Variants in USP18 observed in about 807,000 individuals in gnomAD.
The protein encoded by USP18 is ubiquitin specific peptidase 18.
Under a neutral mutation model 48.7 loss-of-function variants are expected in USP18, and 11 were observed. The ratio of observed to expected loss-of-function variants is 0.23; its 90% CI spans 0.14 to 0.37. The LOEUF (loss-of-function observed/expected upper bound fraction) is 0.37, where lower values mean the gene tolerates loss of function less well. Ranked by LOEUF, USP18 falls within the 10% of genes least tolerant of loss-of-function variation. The pLI, the probability that USP18 is intolerant of heterozygous loss-of-function variation, is 1.00. For synonymous variants in USP18, 114 were observed against 163.2 expected, an observed-to-expected ratio of 0.70 and a Z score of 2.30; for missense variants, 285 against 436.4, an observed-to-expected ratio of 0.65 and a Z score of 3.09.
At chr22:18,164,075 CCTA>C (rs1236723113) in intron 4 of USP18, among the ~76,000 whole-genome samples, 1 of 152,264 alleles carries the variant, frequency 6.6e-6, no homozygotes, top group African/African-American at 2.4e-5. Flanking sequence ...CCCCCAGGGG[CCTA>C]GCGAATGCTG....
At chr22:18,153,491 C>T (rs184683406) in intron 1 of USP18, among the ~76,000 whole-genome samples, 40 of 152,128 alleles carry the variant, frequency 2.6e-4, no homozygotes, top group Middle Eastern at 6.8e-3. Context: ...GTGGCACGAT[C>T]ATAACTCACT....
intron 8 of USP18, among the ~76,000 whole-genome samples, chr22:18,172,017 T>C (rs550528136): frequency 6.6e-6 from 1 of 152,160 alleles, no homozygotes; most frequent in Non-Finnish European, 1.5e-5. Context: ...ACGCCTGTAA[T>C]CTCAGCTCTT....
At chr22:18,159,967 G>A (rs572993500) in intron 2 of USP18, among the ~76,000 whole-genome samples, 5 of 151,386 alleles carry the variant, frequency 3.3e-5, no homozygotes, top group South Asian at 4.2e-4. Context: ...GTGAGCCACC[G>A]CACCCGGCTG....
chr22:18,172,371 CA>C (rs1454065310), intron 8 of USP18, among the ~76,000 whole-genome samples: 7 of 152,186 alleles, frequency 4.6e-5, no homozygotes, highest in Non-Finnish European at 8.8e-5. Context: ...CTCCATCTTG[CA>C]ATTCCTTAAT....
In USP18 at chr22:18,170,843, TC is replaced by T. The variant is rs1457329936; in HGVS notation, c.817del (p.Leu273CysfsTer15). On this transcript the variant is annotated frameshift_variant, in exon 8 of 11. Transcript: ENST00000215794. LOFTEE classifies it high-confidence loss of function. ...TTCACAGACGAGAAAGATCTGCCAC[TC>T]CCTGTACTTCCCCCAGAGCTTGGAT... is the stretch of plus-strand genomic sequence containing the variant. ...RNSQTRKICH[S>X]LYFPQSLDFS... is the part of the protein sequence containing the mutation. 6.4e-7 allele frequency: 1 copy of T among 1,560,312 alleles called. No individual in the cohort carries two copies. Among genetic ancestry groups the T allele is most frequent in the Non-Finnish European group, 8.6e-7 (1 of 1,156,568 alleles).
At chr22:18,173,033 G>A (rs1302386426) in intron 8 of USP18, 117 bp from the exon 9 acceptor site, 3 of 1,552,282 alleles carry the variant, frequency 1.9e-6, no homozygotes, top group Non-Finnish European at 2.6e-6. Flanking sequence ...TGTGGGTCGG[G>A]ACTGTTTTCT....
In USP18 at chr22:18,150,193, C is replaced by G. The variant is rs1363393002; in HGVS notation, c.-136C>G. 1 of 152,234 alleles carries G rather than the reference C, an allele frequency of 6.6e-6. No individual in the cohort carries two copies. The highest frequency in any genetic ancestry group is 2.4e-5 in the African/African-American group (1 of 41,470). 9.4% of individuals were successfully genotyped at this position (152,234 alleles called of 1,614,324 possible). A position where few individuals can be genotyped will look rare whatever the true frequency, so the allele number is the denominator to read the frequency against. On this transcript the variant is annotated 5_prime_UTR_variant, in exon 1 of 11. Transcript: ENST00000215794. ...TCAGTCCCGACGTGGAACTCAGCAG[C>G]GGAGGCTGGACGCTTGCATGGCGCT...
At chr22:18,163,568 G>A (rs1168856792) in intron 4 of USP18, among the ~76,000 whole-genome samples, 5 of 151,862 alleles carry the variant, frequency 3.3e-5, no homozygotes, top group African/African-American at 9.7e-5. Context: ...GCGTGAACCC[G>A]GGAGGCGGAG....
Position 18,167,882 on chromosome 22 carries a change from T to G in USP18, c.481-8T>G. The stretch of plus-strand genomic sequence containing the variant: ...TCCCATCTCACCTCTCCGCTCTCCC[T>G]CTTGCAGGTGGAGAGACTGCAGGCC... On this transcript the variant is annotated splice_polypyrimidine_tract_variant and splice_region_variant and intron_variant, in intron 5 of 10. Coordinates refer to ENST00000215794, the MANE Select transcript of USP18 (RefSeq NM_017414.4). The G allele has an allele frequency of 6.2e-7, 1 of 1,612,222 alleles. No homozygotes were observed. The highest frequency in any genetic ancestry group is 2.2e-5 in the East Asian group (1 of 44,802).
At chr22:18,164,697 G>C (rs986496659) in intron 4 of USP18, among the ~76,000 whole-genome samples, 23 of 152,310 alleles carry the variant, frequency 1.5e-4, no homozygotes, top group African/African-American at 5.3e-4. Flanking sequence ...TCTGTGCTGA[G>C]CACAGCTGCT....
At chr22:18,154,817 CTT>C (rs1293157211) in intron 1 of USP18, among the ~76,000 whole-genome samples, 2 of 152,176 alleles carry the variant, frequency 1.3e-5, no homozygotes, top group African/African-American at 4.8e-5. Context: ...TCTGATTGAC[CTT>C]GATCCTTATG....
At chr22:18,159,650 A>G (rs1174939937) in intron 2 of USP18, among the ~76,000 whole-genome samples, 2 of 143,504 alleles carry the variant, frequency 1.4e-5, no homozygotes, top group African/African-American at 5.3e-5. Flanking sequence ...GGCACCTGTC[A>G]TGACACCTGG....
chr22:18,167,593 G>A (rs925202508), intron 5 of USP18, among the ~76,000 whole-genome samples: 1 of 151,590 alleles, frequency 6.6e-6, no homozygotes, highest in African/African-American at 2.4e-5. Context: ...AGCTACTCGG[G>A]AGGCTGAGGC....
chr22:18,166,699 C>T (rs1262418522), intron 4 of USP18, among the ~76,000 whole-genome samples: 1 of 151,990 alleles, frequency 6.6e-6, no homozygotes, highest in African/African-American at 2.4e-5. Flanking sequence ...CCTCTCAGGT[C>T]TTACTTGGGC....
In USP18 at chr22:18,150,219, T is replaced by A. The variant is rs1196253363; in HGVS notation, c.-110T>A. 6.6e-6 allele frequency: 1 copy of A among 152,262 alleles called. No individual in the cohort carries two copies. Among genetic ancestry groups the A allele is most frequent in the East Asian group, 1.9e-4 (1 of 5,190 alleles). 9.4% of individuals were successfully genotyped at this position (152,262 alleles called of 1,614,324 possible). A position where few individuals can be genotyped will look rare whatever the true frequency, so the allele number is the denominator to read the frequency against. ...GGAGGCTGGACGCTTGCATGGCGCT[T>A]GAGGCAAGTTCGGGGCTCATTTTGG... On this transcript the variant is annotated 5_prime_UTR_variant, in exon 1 of 11. Coordinates refer to ENST00000215794, the MANE Select transcript of USP18 (RefSeq NM_017414.4).
intron 3 of USP18, among the ~76,000 whole-genome samples, 163 bp downstream of exon 3, chr22:18,160,431 G>A (rs1008244270): frequency 8.6e-5 from 13 of 151,592 alleles, no homozygotes; most frequent in African/African-American, 2.7e-4. Context: ...TCAGTCTCCC[G>A]AGTAGCTGGG....
intron 2 of USP18, among the ~76,000 whole-genome samples, chr22:18,158,025 C>T (rs948275559): frequency 6.6e-6 from 1 of 152,124 alleles, no homozygotes; most frequent in African/African-American, 2.4e-5. Context: ...CGCGGTGGCT[C>T]ATGCCTGTAA....
At chr22:18,162,857 T>C (rs570712568) in intron 4 of USP18, among the ~76,000 whole-genome samples, 19 of 151,952 alleles carry the variant, frequency 1.3e-4, no homozygotes, top group Non-Finnish European at 2.1e-4. Flanking sequence ...TGTTATTTCT[T>C]TGGATAAGCT....
chr22:18,165,668 A>G (rs1302939352), intron 4 of USP18, among the ~76,000 whole-genome samples: 4 of 152,050 alleles, frequency 2.6e-5, no homozygotes, highest in Non-Finnish European at 5.9e-5. Context: ...CTTCCAGCTG[A>G]TCTTTCCTGA....
Sources: gnomAD v4.1 joint callset for allele counts (sites outside exome capture counted in the v4.1 genomes callset) on GRCh38, gnomAD v4.1.1 for gene constraint, MANE v1.5 for transcripts, NCBI Gene and HGNC (gene_info 2026-07-23, HGNC 2026-07-21) for gene names.